COL21A1: variants seen among roughly 807,000 people sequenced by gnomAD.
COL21A1 encodes collagen type XXI alpha 1 chain.
A neutral mutation model predicts 137.9 loss-of-function variants in COL21A1; 149 were observed. The ratio of observed to expected loss-of-function variants is 1.08; its 90% CI spans 0.95 to 1.24. The LOEUF (loss-of-function observed/expected upper bound fraction) is 1.24. Ranked by LOEUF, COL21A1 falls within the 50% of genes most tolerant of loss-of-function variation. The pLI is 0.00. For missense variants in COL21A1, 1,167 were observed against 1,158.4 expected, an observed-to-expected ratio of 1.01 and a Z score of -0.11; for synonymous variants, 456 against 391.5, an observed-to-expected ratio of 1.16 and a Z score of -1.95.
intron 1 of COL21A1, among the ~76,000 whole-genome samples, chr6:56,293,021 T>C (rs2152335932): frequency 6.6e-6 from 1 of 152,306 alleles, no homozygotes; most frequent in East Asian, 1.9e-4. Context: ...GACTAGCTCA[T>C]ATCAAAGTGC....
intron 1 of COL21A1, among the ~76,000 whole-genome samples, chr6:56,360,752 C>T (rs1400652553): frequency 6.6e-6 from 1 of 152,122 alleles, no homozygotes. Flanking sequence ...TCAGCAACAA[C>T]CCTCACCTTT....
chr6:56,239,590 C>T (rs542815687), intron 1 of COL21A1, among the ~76,000 whole-genome samples: 1 of 151,636 alleles, frequency 6.6e-6, no homozygotes, highest in East Asian at 1.9e-4. Context: ...GTTGGAAAGA[C>T]CAGTGAAAAA....
intron 1 of COL21A1, among the ~76,000 whole-genome samples, chr6:56,208,065 A>G (rs1347976651): frequency 3.3e-5 from 5 of 152,152 alleles, no homozygotes; most frequent in Admixed American, 3.3e-4. Flanking sequence ...TGACAAACCC[A>G]CAGCCAATGT....
At chr6:56,197,453 C>G (rs1779095123) in intron 1 of COL21A1, among the ~76,000 whole-genome samples, 1 of 151,966 alleles carries the variant, frequency 6.6e-6, no homozygotes, top group Admixed American at 6.6e-5. Flanking sequence ...TGTCTGCAAA[C>G]CATATATCTG....
At chr6:56,284,278 G>A (rs767168807) in intron 1 of COL21A1, among the ~76,000 whole-genome samples, 16 of 152,162 alleles carry the variant, frequency 1.1e-4, no homozygotes, top group Admixed American at 1.3e-4. Flanking sequence ...GGTCTCTAAC[G>A]TCTGAGCTCA....
At chr6:56,130,199 A>ATATATATATATG (rs1773434192) in intron 12 of COL21A1, among the ~76,000 whole-genome samples, 1 of 20,302 alleles carries the variant, frequency 4.9e-5, no homozygotes, top group South Asian at 1.6e-3. Flanking sequence ...ATATATATAT[A>ATATATATATATG]TATATATATA....
intron 22 of COL21A1, chr6:56,068,666 A>T (rs1274292843): frequency 6.4e-6 from 1 of 156,754 alleles, no homozygotes; most frequent in Non-Finnish European, 1.4e-5. Flanking sequence ...CCAGAATTTG[A>T]TCCGGTTTTG....
At chr6:56,114,200 T>C (rs549284168) in intron 16 of COL21A1, among the ~76,000 whole-genome samples, 1 of 152,248 alleles carries the variant, frequency 6.6e-6, no homozygotes, top group African/African-American at 2.4e-5. Flanking sequence ...TGTAGGGTCA[T>C]AGGGCCTTGA....
Position 56,097,810 on chromosome 6 carries a change from T to C in COL21A1, c.1812+3662A>G, listed in dbSNP as rs1562187771. On this transcript the variant is annotated intron_variant, in intron 17 of 29. Transcript: ENST00000244728. ...AAATATATATATAAATCTATATAAA[T>C]ATATATAAATACATATAAATATATA... Among the ~76,000 whole-genome samples the C allele has an allele frequency of 2.8e-5, 3 of 106,006 alleles. 1 individual carries two copies. Among genetic ancestry groups the C allele is most frequent in the African/African-American group, 7.6e-5 (2 of 26,392 alleles). 69.5% of individuals were successfully genotyped at this position (106,006 alleles called of 152,430 possible).
chr6:56,321,849 G>T (rs114999926), intron 1 of COL21A1, among the ~76,000 whole-genome samples: 1 of 152,118 alleles, frequency 6.6e-6, no homozygotes, highest in East Asian at 1.9e-4. Context: ...TTCTATGGTC[G>T]TTCAGCATTT....
chr6:56,392,682 A>G (rs1332444297), intron 1 of COL21A1, among the ~76,000 whole-genome samples: 4 of 152,156 alleles, frequency 2.6e-5, no homozygotes, highest in Non-Finnish European at 5.9e-5. Context: ...CACAAAACTC[A>G]GCAGCACTTC....
chr6:56,197,833 C>T (rs138166663), intron 1 of COL21A1, among the ~76,000 whole-genome samples: 230 of 152,128 alleles, frequency 1.5e-3, no homozygotes, highest in Admixed American at 2.5e-3. Flanking sequence ...ACTATATGAA[C>T]CAGTAATTTT....
intron 1 of COL21A1, among the ~76,000 whole-genome samples, chr6:56,279,956 C>A (rs1763754067): frequency 6.6e-6 from 1 of 152,130 alleles, no homozygotes; most frequent in African/African-American, 2.4e-5. Flanking sequence ...CATCTGAATG[C>A]ACTTCCTCCC....
intron 1 of COL21A1, among the ~76,000 whole-genome samples, chr6:56,358,940 A>T (rs1325428873): frequency 6.6e-6 from 1 of 152,198 alleles, no homozygotes; most frequent in Non-Finnish European, 1.5e-5. Context: ...GGTTAAAAAA[A>T]AAATTCCATT....
At chr6:56,172,016 G>A (rs1777099946) in intron 3 of COL21A1, among the ~76,000 whole-genome samples, 1 of 149,912 alleles carries the variant, frequency 6.7e-6, no homozygotes, top group Admixed American at 6.7e-5. Flanking sequence ...GAAAGCCTAA[G>A]AGATTTAAGC....
chr6:56,079,566 C>T (rs1672686832), intron 17 of COL21A1, among the ~76,000 whole-genome samples: 1 of 151,674 alleles, frequency 6.6e-6, no homozygotes, highest in Non-Finnish European at 1.5e-5. Flanking sequence ...CCCATTTCCC[C>T]ACAGTTTACT....
At chr6:56,124,037 T>C in intron 16 of COL21A1, 25 bp downstream of exon 16, 4 of 1,459,778 alleles carry the variant, frequency 2.7e-6, no homozygotes, top group Non-Finnish European at 3.6e-6. Context: ...TTTTGTTTTG[T>C]CCTTTTTTTT....
chr6:56,097,817 A>G (rs1295841892), intron 17 of COL21A1, among the ~76,000 whole-genome samples: 1 of 94,698 alleles, frequency 1.1e-5, no homozygotes, highest in East Asian at 2.7e-4. Flanking sequence ...AAATATATAT[A>G]AATACATATA....
intron 1 of COL21A1, among the ~76,000 whole-genome samples, chr6:56,332,911 T>A (rs1582788685): frequency 6.6e-6 from 1 of 152,222 alleles, no homozygotes; most frequent in Non-Finnish European, 1.5e-5. Flanking sequence ...GTGTTAAAAA[T>A]TATAAGCAGA....
Sources: allele counts gnomAD v4.1 joint callset (sites outside exome capture counted in the v4.1 genomes callset), GRCh38; gene constraint gnomAD v4.1.1; transcripts MANE v1.5; gene names NCBI Gene and HGNC (gene_info 2026-07-23, HGNC 2026-07-21).